Variants in BRSK1 observed in about 807,000 individuals in gnomAD.
BRSK1 encodes BR serine/threonine kinase 1.
Under a neutral mutation model 86.2 loss-of-function variants are expected in BRSK1, and 17 were observed. The ratio of observed to expected loss-of-function variants is 0.20; its 90% CI spans 0.14 to 0.30. The LOEUF (loss-of-function observed/expected upper bound fraction) is 0.30. Ranked by LOEUF, BRSK1 falls within the 10% of genes least tolerant of loss-of-function variation. The pLI is 1.00. For synonymous variants in BRSK1, 464 were observed against 440.1 expected (o/e 1.05, Z -0.68); for missense variants, 719 against 1,071.9 (o/e 0.67, Z 4.60).
In BRSK1 at chr19:55,303,480, G is replaced by T; in HGVS notation, c.1126+72G>T. On this transcript the variant is annotated intron_variant, in intron 11 of 18. Coordinates refer to ENST00000309383, the MANE Select transcript of BRSK1 (RefSeq NM_032430.2). This position sits in a 1 kb window ranked among gnomAD's most constrained non-coding sequence, Gnocchi z 5.1. ...GAAGAGGCTGGCCACGGGGACCCCA[G>T]ATTCCCAAGGAAAGAAGGGGCTGCA... The T allele has an allele frequency of 6.5e-7, 1 of 1,533,186 alleles. No homozygotes were observed. The allele number at this position is 1,533,186 out of a possible 1,614,324, so 95.0% of individuals were successfully genotyped here. A position where few individuals can be genotyped will look rare whatever the true frequency, so the allele number is the denominator to read the frequency against.
chr19:55,299,202 G>A (rs1453345284), intron 7 of BRSK1, among the ~76,000 whole-genome samples: 1 of 152,164 alleles, frequency 6.6e-6, no homozygotes, highest in East Asian at 1.9e-4. Context: ...ACAAGGTCAT[G>A]TAATGACTGG....
intron 18 of BRSK1, 95 bp downstream of exon 18, chr19:55,308,823 C>T (rs1167888669): frequency 9.3e-4 from 2 of 2,148 alleles, no homozygotes; most frequent in Non-Finnish European, 2.0e-3. Context: ...TGGCGGGGGG[C>T]GTGGGTGGCG....
intron 1 of BRSK1, among the ~76,000 whole-genome samples, chr19:55,286,263 T>C (rs1385615621): frequency 7.0e-6 from 1 of 143,194 alleles, no homozygotes; most frequent in Non-Finnish European, 1.5e-5. Context: ...GAGGAGGGGC[T>C]GGGGGTCTGG....
intron 14 of BRSK1, 134 bp from the exon 15 acceptor site, chr19:55,305,187 C>A (rs2088630867): frequency 7.6e-7 from 1 of 1,309,114 alleles, no homozygotes; most frequent in African/African-American, 1.5e-5. Flanking sequence ...GTGAGCCCCG[C>A]CCAGGAGGGA....
In BRSK1 at chr19:55,301,674, G is replaced by T; in HGVS notation, c.825+16G>T. ...AAGGCTCAGTGTGAGTTGAGGGGGGGACCGGCGGAGGGGGGAACAGTGGCC... is the reference window on the plus strand; with the variant it reads ...AAGGCTCAGTGTGAGTTGAGGGGGGTACCGGCGGAGGGGGGAACAGTGGCC... On this transcript the variant is annotated intron_variant, in intron 8 of 18. Transcript: ENST00000309383. 4 of 1,601,830 alleles carry T rather than the reference G, an allele frequency of 2.5e-6. No individual in the cohort carries two copies. The highest frequency in any genetic ancestry group is 3.4e-6 in the Non-Finnish European group (4 of 1,171,428).
chr19:55,302,173 G>GT lies in BRSK1; in HGVS notation c.857+6dup. The stretch of plus-strand genomic sequence containing the variant: ...TCAGAAACATCCTTGGTACCTGTGA[G>GT]TATGGGGTAACTGGACTCTTGGGTC... On this transcript the variant is annotated splice_donor_region_variant and intron_variant, in intron 9 of 18. Transcript: ENST00000309383. The surrounding 1 kb of genome is among the most constrained non-coding windows in gnomAD (Gnocchi z 6.3). 6.2e-7 allele frequency: 1 copy of GT among 1,613,938 alleles called. No individual in the cohort carries two copies. The highest frequency in any genetic ancestry group is 8.5e-7 in the Non-Finnish European group (1 of 1,179,940).
At chr19:55,307,621 T>C (rs547426594) in intron 17 of BRSK1, among the ~76,000 whole-genome samples, 17 of 149,942 alleles carry the variant, frequency 1.1e-4, no homozygotes, top group African/African-American at 3.9e-4. Context: ...CCAGGCATGA[T>C]GGCTGACTCC....
chr19:55,304,182 GAAACTAC>G lies in BRSK1; in HGVS notation c.1347+75_1347+81del. On this transcript the variant is annotated intron_variant, in intron 13 of 18. Transcript: ENST00000309383. This position sits in a 1 kb window ranked among gnomAD's most constrained non-coding sequence, Gnocchi z 5.2. ...GACATGGAGCAAAGATTGAGTAGCA[GAAACTAC>G]AATTCCTGTGCAGTCTTGAGACTTG... 17 of 1,433,718 alleles carry G rather than the reference GAAACTAC, an allele frequency of 1.2e-5. No individual in the cohort carries two copies. Among genetic ancestry groups the G allele is most frequent in the African/African-American group, 9.9e-5 (7 of 70,722 alleles). The allele number at this position is 1,433,718 out of a possible 1,614,324, so 88.8% of individuals were successfully genotyped here.
intron 7 of BRSK1, among the ~76,000 whole-genome samples, chr19:55,297,113 G>A (rs2088500248): frequency 6.6e-6 from 1 of 152,124 alleles, no homozygotes; most frequent in African/African-American, 2.4e-5. Context: ...TTCTTGCTCT[G>A]TCACACATGA....
At chr19:55,291,907 C>T (rs576966923) in intron 4 of BRSK1, among the ~76,000 whole-genome samples, 47 of 152,192 alleles carry the variant, frequency 3.1e-4, no homozygotes, top group Non-Finnish European at 5.1e-4. Context: ...TACAGGCACC[C>T]GCCACCATGC....
chr19:55,295,570 C>G (rs1325441789), intron 7 of BRSK1, among the ~76,000 whole-genome samples: 1 of 152,154 alleles, frequency 6.6e-6, no homozygotes, highest in African/African-American at 2.4e-5. Context: ...GGGATAGTCT[C>G]CAGGAAGAAC....
At chr19:55,293,255 T>C (rs1196772752) in intron 4 of BRSK1, among the ~76,000 whole-genome samples, 2 of 152,004 alleles carry the variant, frequency 1.3e-5, no homozygotes, top group East Asian at 3.9e-4. Context: ...CAGGACTTCT[T>C]GAACCCGGGA....
intron 7 of BRSK1, among the ~76,000 whole-genome samples, chr19:55,296,346 C>A (rs149319531): frequency 9.1e-4 from 138 of 152,270 alleles, no homozygotes; most frequent in South Asian, 2.1e-3. Flanking sequence ...TGCTGGCTTG[C>A]CTTTGCAAAC....
At position 55,304,524 on chromosome 19, in the gene BRSK1, C is replaced by T. The variant is rs1410817282; in HGVS notation, c.1348-27C>T. The T allele has an allele frequency of 3.3e-6, 5 of 1,526,948 alleles. No homozygotes were observed. Among genetic ancestry groups the T allele is most frequent in the East Asian group, 2.3e-5 (1 of 42,980 alleles). The allele number at this position is 1,526,948 out of a possible 1,614,324, so 94.6% of individuals were successfully genotyped here. On this transcript the variant is annotated intron_variant, in intron 13 of 18. Transcript: ENST00000309383. The surrounding 1 kb of genome is among the most constrained non-coding windows in gnomAD (Gnocchi z 5.2). ...CCTCCTGGGAGTTGTAGTCCACTCG[C>T]TTATCTCAGTCTCCTGTCCTCTGCA...
At chr19:55,288,492 A>C (rs953175392) in intron 3 of BRSK1, among the ~76,000 whole-genome samples, 2 of 149,758 alleles carry the variant, frequency 1.3e-5, no homozygotes, top group African/African-American at 2.5e-5. Context: ...AAAAAAAAAA[A>C]CTCCAAACAA....
rs2088334659 is a variant in BRSK1 at position 55,287,383 on chromosome 19, G to A, written c.317+84G>A. On this transcript the variant is annotated intron_variant, in intron 3 of 18. Coordinates refer to ENST00000309383, the MANE Select transcript of BRSK1 (RefSeq NM_032430.2). This position sits in a 1 kb window ranked among gnomAD's most constrained non-coding sequence, Gnocchi z 5.3. Reference sequence around the variant, plus strand: ...GGACTTCTCCAGAAACAGGGCCTAGGGGGACCTGGGGGACCTGCAGCTCTC... The same window carrying A: ...GGACTTCTCCAGAAACAGGGCCTAGAGGGACCTGGGGGACCTGCAGCTCTC... 1.6e-6 allele frequency: 2 copies of A among 1,213,324 alleles called. No individual in the cohort carries two copies. The highest frequency in any genetic ancestry group is 2.5e-5 in the South Asian group (2 of 80,806). 75.2% of individuals were successfully genotyped at this position (1,213,324 alleles called of 1,614,324 possible). A position where few individuals can be genotyped will look rare whatever the true frequency, so the allele number is the denominator to read the frequency against.
Position 55,287,714 on chromosome 19 carries a change from C to T in BRSK1, c.317+415C>T, listed in dbSNP as rs567205345. 6.6e-6 allele frequency among the ~76,000 whole-genome samples: 1 copy of T among 152,374 alleles called. No homozygotes were observed. The highest frequency in any genetic ancestry group is 6.5e-5 in the Admixed American group (1 of 15,312). ...AACTCTGGAGCACTGGAGAGCCCCC[C>T]TCCTCCCCCGGCATAACTTCGGGTG... On this transcript the variant is annotated intron_variant, in intron 3 of 18. Coordinates refer to ENST00000309383, the MANE Select transcript of BRSK1 (RefSeq NM_032430.2). This position sits in a 1 kb window ranked among gnomAD's most constrained non-coding sequence, Gnocchi z 5.3.
rs1215357350 is a variant in BRSK1, at chr19:55,301,514, G to A, written c.681G>A (p.Gly227=). ...GGTCCTGGTTATCTCTTGCCCAGGG[G>A]GCTCTGCCCTTTGATGACGACAACC... The part of the protein sequence containing the change: ...CGVILFALLV[G]ALPFDDDNLR... The change falls in exon 8 of 19, where the codon GGG becomes GGA. Residue 227 remains glycine (G), a splice_region_variant and synonymous_variant. Coordinates refer to ENST00000309383, the MANE Select transcript of BRSK1 (RefSeq NM_032430.2). 1 of 1,613,628 alleles carries A rather than the reference G, an allele frequency of 6.2e-7. No homozygotes were observed. Among genetic ancestry groups the A allele is most frequent in the African/African-American group, 1.3e-5 (1 of 75,036 alleles).
chr19:55,307,656 C>T (rs1025625796), intron 17 of BRSK1, among the ~76,000 whole-genome samples: 1 of 150,716 alleles, frequency 6.6e-6, no homozygotes, highest in African/African-American at 2.4e-5. Flanking sequence ...TTTGGGAAGC[C>T]GAGGTGGGAG....
Sources: gnomAD v4.1 joint callset for allele counts (sites outside exome capture counted in the v4.1 genomes callset) on GRCh38, gnomAD v4.1.1 for gene constraint, Gnocchi (gnomAD v3.1) non-coding constraint, MANE v1.5 for transcripts, NCBI Gene and HGNC (gene_info 2026-07-23, HGNC 2026-07-21) for gene names.